Variants in VSIG1 observed in about 807,000 individuals in gnomAD.
VSIG1 encodes the protein V-set and immunoglobulin domain-containing protein 1.
Under a neutral mutation model 20.1 loss-of-function variants are expected in VSIG1, and 11 were observed. The ratio of observed to expected loss-of-function variants is 0.55; its 90% CI spans 0.34 to 0.91. The LOEUF (loss-of-function observed/expected upper bound fraction) is 0.91, where lower values mean the gene tolerates loss of function less well. Among genes scored for constraint, VSIG1 ranks in the 40% least tolerant of loss-of-function variants. The pLI is 0.02. For missense variants in VSIG1, 283 were observed against 298.8 expected, an observed-to-expected ratio of 0.95 and a Z score of 0.39; for synonymous variants, 126 against 116.7, an observed-to-expected ratio of 1.08 and a Z score of -0.52.
At chrX:108,065,301 T>C (rs185109009) in intron 2 of VSIG1, among the ~76,000 whole-genome samples, 1 of 111,670 alleles carries the variant, frequency 9.0e-6, no homozygotes. Context: ...ATTAGGAAAA[T>C]TGGATTCCAG....
the VSIG1 span, among the ~76,000 whole-genome samples, chrX:108,032,725 T>G: frequency 9.0e-6 from 1 of 111,129 alleles, no homozygotes; most frequent in African/African-American, 3.3e-5. Context: ...ATTTTTAGCA[T>G]GTTTGAGGAA....
chrX:108,032,209 C>T, the VSIG1 span, among the ~76,000 whole-genome samples: 1 of 112,417 alleles, frequency 8.9e-6, no homozygotes, highest in Non-Finnish European at 1.9e-5. Flanking sequence ...CTTTGTTTTC[C>T]ACTAGACTGG....
chrX:108,061,863 G>A (rs2031034659), intron 2 of VSIG1, among the ~76,000 whole-genome samples: 1 of 110,296 alleles, frequency 9.1e-6, no homozygotes, highest in Non-Finnish European at 1.9e-5. Context: ...TCAATACCTA[G>A]GGGCTGATGT....
rs1456822934 is a variant in VSIG1 at position 108,051,935 on chromosome X, G to A, written c.50-6103G>A. Among the ~76,000 whole-genome samples, 3 of 111,776 alleles carry A rather than the reference G, an allele frequency of 2.7e-5. No homozygotes were observed. The East Asian group carries it at 8.4e-4, about 31-fold the overall frequency. ...TCACTTATATGTGAGATCTAAAAGA[G>A]TTGAACTCAGAATTAGAGTAGAATG... On this transcript the variant is annotated intron_variant, in intron 1 of 6. Coordinates refer to ENST00000217957, the MANE Select transcript of VSIG1 (RefSeq NM_182607.5).
the VSIG1 span, among the ~76,000 whole-genome samples, chrX:108,023,440 A>C: frequency 1.8e-5 from 2 of 112,084 alleles, no homozygotes; most frequent in African/African-American, 3.2e-5. Context: ...CTTTGATATC[A>C]GGGTAATGCT....
At chrX:108,057,752 G>A (rs1465100226) in intron 1 of VSIG1, among the ~76,000 whole-genome samples, 1 of 111,161 alleles carries the variant, frequency 9.0e-6, no homozygotes, top group Non-Finnish European at 1.9e-5. Flanking sequence ...AAGACTTTAA[G>A]AACCTGTGTA....
In VSIG1 at chrX:108,064,290, A is replaced by G. The variant is rs752893610; in HGVS notation, c.214-2646A>G. On this transcript the variant is annotated intron_variant, in intron 2 of 6. Coordinates refer to ENST00000217957, the MANE Select transcript of VSIG1 (RefSeq NM_182607.5). ...TTGGCTCTTTTAGGTCTCCATTGTT[A>G]GCCCTCACTACCCCCATTTCTGTCT... Among the ~76,000 whole-genome samples, 15 of 111,786 alleles carry G rather than the reference A, an allele frequency of 1.3e-4. No individual in the cohort carries two copies. In the East Asian group the frequency reaches 4.3e-3, roughly 32 times the overall value.
At chrX:108,025,947 T>G in the VSIG1 span, among the ~76,000 whole-genome samples, 7 of 110,976 alleles carry the variant, frequency 6.3e-5, no homozygotes, top group Non-Finnish European at 1.3e-4. Context: ...CGAAGAATCC[T>G]CAAGGCTGTG....
intron 2 of VSIG1, among the ~76,000 whole-genome samples, chrX:108,059,287 C>T (rs1164270507): frequency 9.0e-6 from 1 of 111,472 alleles, no homozygotes; most frequent in Non-Finnish European, 1.9e-5. Flanking sequence ...ACACGTTGGC[C>T]AGTGTCACTT....
intron 2 of VSIG1, among the ~76,000 whole-genome samples, chrX:108,060,951 C>T (rs975046758): frequency 8.9e-5 from 10 of 112,268 alleles, no homozygotes; most frequent in African/African-American, 3.2e-5. Context: ...GGGAGCCTAG[C>T]TCAAGAAGAT....
chrX:108,071,159 G>A (rs1465487568), intron 3 of VSIG1, among the ~76,000 whole-genome samples: 1 of 111,103 alleles, frequency 9.0e-6, no homozygotes, highest in Non-Finnish European at 1.9e-5. Context: ...ATCCAGAGCT[G>A]TGCCCTTAAC....
chrX:108,058,014 A>AT (rs746734547), intron 1 of VSIG1, 24 bp from the exon 2 acceptor site: 27 of 1,188,877 alleles, frequency 2.3e-5, no homozygotes, highest in South Asian at 1.1e-4. Context: ...TGTACTATTG[A>AT]TTTTTTTATG....
chrX:108,038,537 C>T, the VSIG1 span, among the ~76,000 whole-genome samples: 1 of 112,318 alleles, frequency 8.9e-6, no homozygotes, highest in African/African-American at 3.2e-5. Flanking sequence ...ATAAATCATT[C>T]TACTATAAAG....
chrX:108,033,690 A>C, the VSIG1 span, among the ~76,000 whole-genome samples: 2 of 110,856 alleles, frequency 1.8e-5, no homozygotes, highest in Non-Finnish European at 3.8e-5. Flanking sequence ...GCAGAAAGGA[A>C]AGGCATCTCT....
chrX:108,057,388 C>A (rs746929922), intron 1 of VSIG1, among the ~76,000 whole-genome samples: 1 of 112,006 alleles, frequency 8.9e-6, no homozygotes, highest in South Asian at 3.7e-4. Flanking sequence ...TGTGCACACA[C>A]ACAGCAGTAC....
intron 1 of VSIG1, among the ~76,000 whole-genome samples, chrX:108,047,018 G>T (rs2030595551): frequency 9.0e-6 from 1 of 111,124 alleles, no homozygotes; most frequent in Non-Finnish European, 1.9e-5. Flanking sequence ...TGAAGTCAGA[G>T]AAAGGATCAC....
chrX:108,058,313 G>A (rs2030952171), intron 2 of VSIG1, 112 bp downstream of exon 2: 2 of 770,206 alleles, frequency 2.6e-6, no homozygotes, highest in Admixed American at 3.6e-5. Context: ...AGTAGTGGCA[G>A]GAATCTCAGA....
At chrX:108,030,665 G>C in the VSIG1 span, among the ~76,000 whole-genome samples, 3 of 112,119 alleles carry the variant, frequency 2.7e-5, no homozygotes, top group South Asian at 7.6e-4. Context: ...GACAAGCAGC[G>C]GAGACTCCTC....
the VSIG1 span, among the ~76,000 whole-genome samples, chrX:108,023,628 AC>A: frequency 9.0e-6 from 1 of 111,369 alleles, no homozygotes; most frequent in South Asian, 3.8e-4. Context: ...TCTCAATTGT[AC>A]CCACAGGATT....
Sources: gnomAD v4.1 joint callset for allele counts (sites outside exome capture counted in the v4.1 genomes callset) on GRCh38, gnomAD v4.1.1 for gene constraint, MANE v1.5 for transcripts, NCBI Gene and HGNC (gene_info 2026-07-23, HGNC 2026-07-21) for gene names.